The following LHFPL3 variants were observed in gnomAD, a reference collection of about 807,000 sequenced individuals.
LHFPL3 encodes LHFPL tetraspan subfamily member 3, also known as LHFPL tetraspan subfamily member 3 protein.
Under a neutral mutation model 19.3 loss-of-function variants are expected in LHFPL3, and 5 were observed. The observed-to-expected ratio is 0.26, with a 90% CI of 0.14 to 0.54. The LOEUF is 0.54. LHFPL3 is among the 20% of genes least tolerant of loss of function. The pLI, the probability that LHFPL3 is intolerant of heterozygous loss-of-function variation, is 0.94. For missense variants in LHFPL3, 249 were observed against 307.4 expected, an observed-to-expected ratio of 0.81 and a Z score of 1.42; for synonymous variants, 133 against 126.2, an observed-to-expected ratio of 1.05 and a Z score of -0.36.
intron 1 of LHFPL3, among the ~76,000 whole-genome samples, chr7:104,597,610 C>T (rs1790888938): frequency 6.6e-6 from 1 of 152,110 alleles, no homozygotes; most frequent in Non-Finnish European, 1.5e-5. Flanking sequence ...AAGTATAATC[C>T]TTATTAATTG....
At chr7:104,887,559 C>T (rs1255639003) in intron 2 of LHFPL3, among the ~76,000 whole-genome samples, 1 of 152,190 alleles carries the variant, frequency 6.6e-6, no homozygotes, top group African/African-American at 2.4e-5. Context: ...CCTGGCATTT[C>T]CAGTCTGTCC....
chr7:104,782,816 A>G (rs1029918880), intron 2 of LHFPL3, among the ~76,000 whole-genome samples: 17 of 152,212 alleles, frequency 1.1e-4, no homozygotes, highest in African/African-American at 4.1e-4. Flanking sequence ...ACTCTACAAT[A>G]TTGATGTCCA....
At position 104,412,576 on chromosome 7, in the gene LHFPL3, GGCACA is replaced by G. The variant is rs148281379; in HGVS notation, c.445+83356_445+83360del. On this transcript the variant is annotated intron_variant, in intron 1 of 2. Coordinates refer to ENST00000424859, the MANE Select transcript of LHFPL3 (RefSeq NM_199000.3). ...AATGACACAGTAATTTCAGGGTGCA[GGCACA>G]GCAGGGAGTGGTCTCAGACCTCCAA... 8.8e-3 allele frequency among the ~76,000 whole-genome samples: 1,346 copies of G among 152,166 alleles called. 8 individuals are homozygous for G. Among genetic ancestry groups the G allele is most frequent in the African/African-American group, 0.023 (966 of 41,506 alleles).
rs10665231 is a variant in LHFPL3, at chr7:104,807,011, ATGTG to A, written c.682+70140_682+70143del. Among the ~76,000 whole-genome samples the A allele has an allele frequency of 8.3e-3, 1,166 of 139,740 alleles. 14 individuals carry two copies. Among genetic ancestry groups the A allele is most frequent in the African/African-American group, 0.029 (1,078 of 37,448 alleles). The allele number at this position is 139,740 out of a possible 152,430, so 91.7% of individuals were successfully genotyped here. A position where few individuals can be genotyped will look rare whatever the true frequency, so the allele number is the denominator to read the frequency against. On this transcript the variant is annotated intron_variant, in intron 2 of 2. Transcript: ENST00000424859. ...TGAATTGTGCCCCACCAAAATATAT[ATGTG>A]TGTGTGTGTGTGTGTGTGTGTGTGT...
At chr7:104,821,620 T>C (rs1021450044) in intron 2 of LHFPL3, among the ~76,000 whole-genome samples, 1 of 152,144 alleles carries the variant, frequency 6.6e-6, no homozygotes, top group African/African-American at 2.4e-5. Context: ...AGGCATTACG[T>C]GCAACATGAA....
intron 1 of LHFPL3, chr7:104,622,975 A>G: frequency 3.0e-6 from 1 of 332,720 alleles, no homozygotes; most frequent in Non-Finnish European, 6.2e-6. Flanking sequence ...TTTTTATTAT[A>G]GCTATCCTGG....
intron 1 of LHFPL3, among the ~76,000 whole-genome samples, chr7:104,556,085 T>A (rs1184469969): frequency 6.6e-6 from 1 of 152,204 alleles, no homozygotes; most frequent in East Asian, 1.9e-4. Flanking sequence ...TATAGCCTGC[T>A]TCTAGCTGCT....
At chr7:104,876,561 C>A (rs1361107398) in intron 2 of LHFPL3, among the ~76,000 whole-genome samples, 2 of 151,214 alleles carry the variant, frequency 1.3e-5, no homozygotes, top group African/African-American at 4.9e-5. Context: ...AAATGCAAAT[C>A]AAAACCACAA....
intron 1 of LHFPL3, among the ~76,000 whole-genome samples, chr7:104,448,114 T>TC (rs769927530): frequency 6.6e-6 from 1 of 152,112 alleles, no homozygotes; most frequent in Non-Finnish European, 1.5e-5. Context: ...ATGTTATATT[T>TC]CCCCCCTCAA....
At chr7:104,782,084 C>T (rs942216169) in intron 2 of LHFPL3, among the ~76,000 whole-genome samples, 10 of 152,192 alleles carry the variant, frequency 6.6e-5, no homozygotes, top group African/African-American at 2.4e-4. Context: ...TTCAGCTCCA[C>T]ATGGCATCAT....
At chr7:104,637,826 C>CT (rs375790026) in intron 1 of LHFPL3, among the ~76,000 whole-genome samples, 83,285 of 108,746 alleles carry the variant, frequency 0.77, 32,081 homozygotes, top group South Asian at 0.86. Context: ...ATGCCTCCAG[C>CT]TTTTTTTTTT....
intron 1 of LHFPL3, among the ~76,000 whole-genome samples, chr7:104,607,429 T>C (rs1300581649): frequency 6.6e-6 from 1 of 152,202 alleles, no homozygotes; most frequent in Non-Finnish European, 1.5e-5. Flanking sequence ...CCTGAAACAT[T>C]AACTACATAC....
At chr7:104,588,038 T>A (rs1790620038) in intron 1 of LHFPL3, among the ~76,000 whole-genome samples, 1 of 152,188 alleles carries the variant, frequency 6.6e-6, no homozygotes. Flanking sequence ...ATGAGTAGAT[T>A]GTAAAAATTT....
intron 1 of LHFPL3, among the ~76,000 whole-genome samples, chr7:104,557,364 C>G (rs1461214751): frequency 6.6e-6 from 1 of 152,176 alleles, no homozygotes; most frequent in Non-Finnish European, 1.5e-5. Flanking sequence ...GATCAAGTCA[C>G]GTTTTACATG....
intron 2 of LHFPL3, among the ~76,000 whole-genome samples, chr7:104,857,187 G>A (rs181481074): frequency 7.9e-5 from 12 of 152,274 alleles, no homozygotes; most frequent in East Asian, 5.8e-4. Flanking sequence ...CAGCAAGGAC[G>A]CACTGCCAGC....
intron 2 of LHFPL3, among the ~76,000 whole-genome samples, chr7:104,807,445 C>T (rs755337284): frequency 6.6e-6 from 1 of 152,144 alleles, no homozygotes; most frequent in African/African-American, 2.4e-5. Flanking sequence ...TAAGCCACAC[C>T]GTTTGTGGTA....
At chr7:104,731,046 A>G (rs1793693964) in intron 1 of LHFPL3, among the ~76,000 whole-genome samples, 1 of 152,184 alleles carries the variant, frequency 6.6e-6, no homozygotes, top group Admixed American at 6.5e-5. Flanking sequence ...GTCAAAGATC[A>G]GATAGTTGTA....
At chr7:104,860,204 A>ACG (rs939111214) in intron 2 of LHFPL3, among the ~76,000 whole-genome samples, 9 of 151,486 alleles carry the variant, frequency 5.9e-5, no homozygotes, top group Admixed American at 2.0e-4. Context: ...ACACACACAC[A>ACG]CACGCATACC....
intron 1 of LHFPL3, among the ~76,000 whole-genome samples, chr7:104,644,516 C>T (rs1387873500): frequency 2.6e-5 from 4 of 152,142 alleles, no homozygotes; most frequent in East Asian, 1.9e-4. Flanking sequence ...GAAAGCAACA[C>T]CTGGAATCTG....
Sources: allele counts gnomAD v4.1 joint callset (sites outside exome capture counted in the v4.1 genomes callset), GRCh38; gene constraint gnomAD v4.1.1; transcripts MANE v1.5; gene names NCBI Gene and HGNC (gene_info 2026-07-23, HGNC 2026-07-21).